Variants in ANKRD13C observed in about 807,000 individuals in gnomAD.
The protein encoded by ANKRD13C is ankyrin repeat domain-containing protein 13C.
In ANKRD13C, 16 loss-of-function variants were observed where a neutral mutation model predicts 65.5. That is an observed-to-expected ratio of 0.24 (90% CI 0.17 to 0.37). The LOEUF is 0.37. ANKRD13C is among the 10% of genes least tolerant of loss of function. The pLI, the probability that ANKRD13C is intolerant of heterozygous loss-of-function variation, is 1.00. For synonymous variants in ANKRD13C, 235 were observed against 238.7 expected (o/e 0.98, Z 0.14); for missense variants, 503 against 655.9 (o/e 0.77, Z 2.55).
chr1:70,317,855 G>C (rs12745654), intron 3 of ANKRD13C, among the ~76,000 whole-genome samples: 78 of 149,776 alleles, frequency 5.2e-4, no homozygotes, highest in Non-Finnish European at 1.0e-3. Flanking sequence ...AGATAAAAAG[G>C]GTCTTTCAAT....
At chr1:70,283,339 C>T (rs886488077) in intron 9 of ANKRD13C, among the ~76,000 whole-genome samples, 10 of 152,086 alleles carry the variant, frequency 6.6e-5, no homozygotes, top group Non-Finnish European at 1.2e-4. Flanking sequence ...AATTGAAATG[C>T]CTTCAAGCCT....
intron 9 of ANKRD13C, among the ~76,000 whole-genome samples, chr1:70,283,025 T>A (rs920925513): frequency 1.3e-5 from 2 of 152,202 alleles, no homozygotes; most frequent in Non-Finnish European, 2.9e-5. Flanking sequence ...ACATTCCCCA[T>A]CTTAGTAAAG....
intron 5 of ANKRD13C, among the ~76,000 whole-genome samples, chr1:70,308,439 G>GAA (rs75768287): frequency 1.3e-4 from 19 of 148,120 alleles, no homozygotes; most frequent in Non-Finnish European, 9.0e-5. Flanking sequence ...CAAAAGCTAA[G>GAA]AAAAAAAAAA....
chr1:70,336,525 T>C (rs973992833), intron 1 of ANKRD13C, among the ~76,000 whole-genome samples: 3 of 152,006 alleles, frequency 2.0e-5, no homozygotes, highest in Admixed American at 1.3e-4. Flanking sequence ...ATAATTATTA[T>C]TTATTAAATA....
intron 1 of ANKRD13C, 33 bp downstream of exon 1, chr1:70,353,946 G>C: frequency 6.7e-7 from 1 of 1,487,048 alleles, no homozygotes; most frequent in Non-Finnish European, 9.0e-7. Flanking sequence ...GCTCGGGGAA[G>C]GAGAGAGGTG....
At chr1:70,279,569 A>C (rs1679294016) in intron 9 of ANKRD13C, among the ~76,000 whole-genome samples, 1 of 145,238 alleles carries the variant, frequency 6.9e-6, no homozygotes, top group African/African-American at 2.6e-5. Context: ...GCAGTGGCAC[A>C]ATCTCGGTTC....
At chr1:70,292,729 A>C (rs1157927872) in intron 8 of ANKRD13C, among the ~76,000 whole-genome samples, 180 bp from the exon 9 acceptor site, 1 of 152,238 alleles carries the variant, frequency 6.6e-6, no homozygotes, top group East Asian at 1.9e-4. Flanking sequence ...GTTATTCAAT[A>C]AGTTGAAAAA....
rs913929255 is a variant in ANKRD13C at position 70,295,468 on chromosome 1, G to A, written c.1053+662C>T. Among the ~76,000 whole-genome samples the A allele has an allele frequency of 5.3e-5, 8 of 151,940 alleles. No individual in the cohort carries two copies. In the South Asian group the frequency reaches 1.0e-3, roughly 20 times the overall value. On this transcript the variant is annotated intron_variant, in intron 8 of 12. Transcript: ENST00000370944. Reference sequence around the variant, plus strand: ...TCACCGTGTTGGCCAGGCTGGTCTCGAACTCCTGACCTCGTGATCCGCCGG... The same window carrying A: ...TCACCGTGTTGGCCAGGCTGGTCTCAAACTCCTGACCTCGTGATCCGCCGG...
intron 2 of ANKRD13C, among the ~76,000 whole-genome samples, chr1:70,335,084 G>A (rs145121928): frequency 3.2e-3 from 488 of 152,056 alleles, no homozygotes; most frequent in African/African-American, 0.011. Context: ...TCATTAGCCT[G>A]TCTAAAAATA....
At chr1:70,263,132 G>A (rs1678459834) in intron 12 of ANKRD13C, among the ~76,000 whole-genome samples, 1 of 151,966 alleles carries the variant, frequency 6.6e-6, no homozygotes, top group Non-Finnish European at 1.5e-5. Flanking sequence ...GATTCTACCA[G>A]TCTTTTTTTC....
intron 9 of ANKRD13C, among the ~76,000 whole-genome samples, chr1:70,282,784 G>A (rs1406735220): frequency 2.0e-5 from 3 of 152,142 alleles, no homozygotes; most frequent in Non-Finnish European, 2.9e-5. Flanking sequence ...CGCTGGAAAC[G>A]TTTAAGATTG....
intron 3 of ANKRD13C, among the ~76,000 whole-genome samples, chr1:70,317,739 T>C (rs1429834539): frequency 6.6e-6 from 1 of 152,186 alleles, no homozygotes; most frequent in African/African-American, 2.4e-5. Context: ...GGTCATTGTT[T>C]TCTACTATAA....
chr1:70,331,679 T>C lies in ANKRD13C; in HGVS notation c.472+4379A>G, dbSNP rs1005431781. On this transcript the variant is annotated intron_variant, in intron 2 of 12. Transcript: ENST00000370944. ...CAACATGGTGAAACCCTGTCTCTACTAACAATACAAAAAATAGCCTGTAAT... is the reference window on the plus strand; with the variant it reads ...CAACATGGTGAAACCCTGTCTCTACCAACAATACAAAAAATAGCCTGTAAT... Among the ~76,000 whole-genome samples the C allele has an allele frequency of 4.0e-5, 6 of 151,816 alleles. No homozygotes were observed. In the South Asian group the frequency reaches 1.3e-3, roughly 32 times the overall value.
chr1:70,308,403 A>T (rs533918345), intron 5 of ANKRD13C, among the ~76,000 whole-genome samples: 1 of 152,132 alleles, frequency 6.6e-6, no homozygotes, highest in South Asian at 2.1e-4. Flanking sequence ...GGTAAGGCAG[A>T]GAGAAAACAA....
At chr1:70,315,915 C>G (rs926568816) in intron 3 of ANKRD13C, among the ~76,000 whole-genome samples, 2 of 152,114 alleles carry the variant, frequency 1.3e-5, no homozygotes, top group African/African-American at 4.8e-5. Flanking sequence ...CAACCTATAC[C>G]ATATTCACAC....
chr1:70,269,279 A>C (rs1678776236), intron 12 of ANKRD13C, among the ~76,000 whole-genome samples: 1 of 152,180 alleles, frequency 6.6e-6, no homozygotes, highest in Non-Finnish European at 1.5e-5. Flanking sequence ...TGCCTGCAAA[A>C]AAAGGACTGC....
rs1558281019 is a variant in ANKRD13C, at chr1:70,297,286, G to GGTTT, written c.922-1026_922-1025insAAAC. 4.6e-3 allele frequency among the ~76,000 whole-genome samples: 574 copies of GGTTT among 125,018 alleles called. 19 individuals carry two copies. Among genetic ancestry groups the GGTTT allele is most frequent in the African/African-American group, 0.015 (514 of 33,350 alleles). 82.0% of individuals were successfully genotyped at this position (125,018 alleles called of 152,430 possible). A position where few individuals can be genotyped will look rare whatever the true frequency, so the allele number is the denominator to read the frequency against. On this transcript the variant is annotated intron_variant, in intron 7 of 12. Transcript: ENST00000370944. ...TTTAACCTACATAGAGTCCCTTTCT[G>GGTTT]ATTTTTTTTTTTTTTTTTTTTTTTT...
Position 70,354,503 on chromosome 1 carries a change from A to G in ANKRD13C, c.-95T>C. The G allele has an allele frequency of 6.8e-7, 1 of 1,473,440 alleles. No homozygotes were observed. The highest frequency in any genetic ancestry group is 9.0e-7 in the Non-Finnish European group (1 of 1,116,922). The allele number at this position is 1,473,440 out of a possible 1,614,324, so 91.3% of individuals were successfully genotyped here. A position where few individuals can be genotyped will look rare whatever the true frequency, so the allele number is the denominator to read the frequency against. ...CACAAGGCGATTAGAGCGGTGGCCA[A>G]GAGCCTCCAGCGCAGCATGAACTCC... On this transcript the variant is annotated 5_prime_UTR_variant, in exon 1 of 13. Coordinates refer to ENST00000370944, the MANE Select transcript of ANKRD13C (RefSeq NM_030816.5).
At chr1:70,291,745 T>G (rs185686326) in intron 9 of ANKRD13C, among the ~76,000 whole-genome samples, 1 of 152,126 alleles carries the variant, frequency 6.6e-6, no homozygotes, top group Admixed American at 6.6e-5. Flanking sequence ...AGGCGGAAGT[T>G]GCAGTGAACC....
Sources: allele counts gnomAD v4.1 joint callset (sites outside exome capture counted in the v4.1 genomes callset), GRCh38; gene constraint gnomAD v4.1.1; transcripts MANE v1.5; gene names NCBI Gene and HGNC (gene_info 2026-07-23, HGNC 2026-07-21).